SOX5: variants seen among roughly 807,000 people sequenced by gnomAD.
SOX5 encodes the protein SRY-box transcription factor 5, also known as transcription factor SOX-5.
Under a neutral mutation model 92.0 loss-of-function variants are expected in SOX5, and 9 were observed. The ratio of observed to expected loss-of-function variants is 0.10; its 90% CI spans 0.06 to 0.17. The LOEUF is 0.17. SOX5 is among the 10% of genes least tolerant of loss of function. The probability of loss-of-function intolerance (pLI) is 1.00; values close to 1 mark genes in which losing one functional copy is unlikely to be tolerated. For synonymous variants in SOX5, 344 were observed against 336.3 expected (o/e 1.02, Z -0.25); for missense variants, 642 against 944.5 (o/e 0.68, Z 4.20).
At chr12:23,894,572 CA>C (rs2097159703) in intron 2 of SOX5, among the ~76,000 whole-genome samples, 1 of 151,904 alleles carries the variant, frequency 6.6e-6, no homozygotes, top group African/African-American at 2.4e-5. Context: ...GTCAAATGCC[CA>C]AAGAAATCTT....
intron 4 of SOX5, among the ~76,000 whole-genome samples, chr12:24,145,088 T>A (rs1950941172): frequency 6.6e-6 from 1 of 151,878 alleles, no homozygotes; most frequent in Admixed American, 6.6e-5. Flanking sequence ...AGTGAGACCC[T>A]GTCTCAAAAA....
chr12:24,158,295 T>C (rs987953193), intron 4 of SOX5, among the ~76,000 whole-genome samples: 5 of 152,038 alleles, frequency 3.3e-5, no homozygotes, highest in Non-Finnish European at 5.9e-5. Flanking sequence ...CCTCCTGGCA[T>C]TGACAAACCA....
chr12:23,815,161 A>G (rs2095963772), intron 3 of SOX5, among the ~76,000 whole-genome samples: 1 of 152,162 alleles, frequency 6.6e-6, no homozygotes, highest in South Asian at 2.1e-4. Context: ...ATCTATATAA[A>G]GCATGCAGGT....
At chr12:23,610,597 A>T (rs952323677) in intron 8 of SOX5, among the ~76,000 whole-genome samples, 2 of 152,190 alleles carry the variant, frequency 1.3e-5, no homozygotes, top group African/African-American at 2.4e-5. Context: ...CATAATAGTG[A>T]CTATACATAA....
At chr12:24,308,341 G>A (rs115845880) in intron 2 of SOX5, among the ~76,000 whole-genome samples, 322 of 152,292 alleles carry the variant, frequency 2.1e-3, no homozygotes, top group African/African-American at 7.2e-3. Context: ...AAGTCAAAAG[G>A]TCAAACATGC....
intron 1 of SOX5, among the ~76,000 whole-genome samples, chr12:24,417,016 A>G (rs1965131342): frequency 6.6e-6 from 1 of 152,210 alleles, no homozygotes; most frequent in Non-Finnish European, 1.5e-5. Flanking sequence ...GCTATCAGTG[A>G]CATGCTCTGG....
chr12:24,505,386 A>G (rs990663154), intron 1 of SOX5, among the ~76,000 whole-genome samples: 1 of 152,230 alleles, frequency 6.6e-6, no homozygotes, highest in African/African-American at 2.4e-5. Flanking sequence ...GATGGAAATT[A>G]AAAACAAGAA....
In SOX5 at chr12:24,108,463, T is replaced by G. The variant is rs78315056; in HGVS notation, c.-2+104880A>C. Among the ~76,000 whole-genome samples the G allele has an allele frequency of 7.5e-3, 1,147 of 152,290 alleles. 20 individuals are homozygous for G. The highest frequency in any genetic ancestry group is 9.7e-3 in the Non-Finnish European group (661 of 67,968). ...CTTCTCTTTTCTGAATGATGTGATT[T>G]ATCATTGATTAGTCTATCACACACT... On this transcript the variant is annotated intron_variant, in intron 4 of 4. Transcript: ENST00000446891.
At chr12:23,596,396 T>C (rs1384816671) in intron 9 of SOX5, among the ~76,000 whole-genome samples, 1 of 152,246 alleles carries the variant, frequency 6.6e-6, no homozygotes, top group Non-Finnish European at 1.5e-5. Flanking sequence ...CAAACAAATT[T>C]ATACTTTGAG....
intron 4 of SOX5, among the ~76,000 whole-genome samples, chr12:24,126,425 G>A (rs928444203): frequency 1.3e-5 from 2 of 152,104 alleles, no homozygotes; most frequent in Non-Finnish European, 2.9e-5. Context: ...CCTGCAAAGC[G>A]AAAACCAGGA....
At chr12:24,171,432 C>T (rs1207918467) in intron 4 of SOX5, among the ~76,000 whole-genome samples, 2 of 151,800 alleles carry the variant, frequency 1.3e-5, no homozygotes, top group African/African-American at 4.8e-5. Context: ...ACCATGTTAG[C>T]CAGGATGGTC....
intron 3 of SOX5, among the ~76,000 whole-genome samples, chr12:24,274,082 G>C (rs992374279): frequency 6.6e-6 from 1 of 152,058 alleles, no homozygotes; most frequent in African/African-American, 2.4e-5. Flanking sequence ...TTATGTGCTT[G>C]ACAATAATGT....
At chr12:23,629,593 A>T (rs930911582) in intron 8 of SOX5, among the ~76,000 whole-genome samples, 1 of 152,118 alleles carries the variant, frequency 6.6e-6, no homozygotes, top group Admixed American at 6.6e-5. Flanking sequence ...ATAAAAGTCA[A>T]TGGTACTATC....
intron 1 of SOX5, among the ~76,000 whole-genome samples, chr12:24,450,165 A>T (rs1942061809): frequency 6.6e-6 from 1 of 152,208 alleles, no homozygotes; most frequent in African/African-American, 2.4e-5. Flanking sequence ...CATTTATGAA[A>T]TTCACCTTAG....
At chr12:24,261,603 CTCACTAT>C (rs1413578194) in intron 3 of SOX5, among the ~76,000 whole-genome samples, 1 of 152,166 alleles carries the variant, frequency 6.6e-6, no homozygotes, top group Non-Finnish European at 1.5e-5. Flanking sequence ...TCAATGGCAC[CTCACTAT>C]TCACCAAATT....
intron 4 of SOX5, among the ~76,000 whole-genome samples, chr12:24,130,963 A>C (rs1188558726): frequency 1.3e-5 from 2 of 152,208 alleles, no homozygotes; most frequent in African/African-American, 4.8e-5. Flanking sequence ...TCCATTCCTG[A>C]AACCTGTACT....
chr12:23,575,031 A>C (rs11046981), intron 10 of SOX5, among the ~76,000 whole-genome samples: 21,620 of 152,232 alleles, frequency 0.14, 1,803 homozygotes, highest in Non-Finnish European at 0.18. Context: ...AATATCAATA[A>C]ACCTGTGTTG....
chr12:24,204,956 C>T (rs1337929644), intron 4 of SOX5, among the ~76,000 whole-genome samples: 4 of 151,758 alleles, frequency 2.6e-5, no homozygotes, highest in Admixed American at 1.3e-4. Context: ...GGAAGAAGAA[C>T]AGAAAAAACA....
At chr12:23,753,857 A>G (rs1424858788) in intron 4 of SOX5, among the ~76,000 whole-genome samples, 1 of 151,804 alleles carries the variant, frequency 6.6e-6, no homozygotes, top group African/African-American at 2.4e-5. Context: ...AGTAATTGCA[A>G]CTGTCATGGG....
Sources: gnomAD v4.1 joint callset for allele counts (sites outside exome capture counted in the v4.1 genomes callset) on GRCh38, gnomAD v4.1.1 for gene constraint, MANE v1.5 for transcripts, NCBI Gene and HGNC (gene_info 2026-07-23, HGNC 2026-07-21) for gene names.